Variants in TTC27 observed in about 807,000 individuals in gnomAD.
TTC27 encodes tetratricopeptide repeat protein 27.
Under a neutral mutation model 115.9 loss-of-function variants are expected in TTC27, and 79 were observed. The observed-to-expected ratio is 0.68, with a 90% CI of 0.57 to 0.82. TTC27 has a LOEUF of 0.82. Among genes scored for constraint, TTC27 ranks in the 40% least tolerant of loss-of-function variants. The pLI, the probability that TTC27 is intolerant of heterozygous loss-of-function variation, is 0.00. For missense variants in TTC27, 1,054 were observed against 993.1 expected (o/e 1.06, Z -0.82); for synonymous variants, 401 against 356.0 (o/e 1.13, Z -1.42).
In TTC27 at chr2:32,798,713, A is replaced by AAAAATAAT. The variant is rs1368512271; in HGVS notation, c.1998+11566_1998+11567insAATAATAA. ...GAGCGAGACTCCAGCTCAAAAAAAA[A>AAAAATAAT]AATAATAATAATAATAATAATAATA... On this transcript the variant is annotated intron_variant, in intron 16 of 19. Transcript: ENST00000317907. 1.7e-3 allele frequency among the ~76,000 whole-genome samples: 242 copies of AAAAATAAT among 142,338 alleles called. 2 individuals are homozygous for AAAAATAAT. Among genetic ancestry groups the AAAAATAAT allele is most frequent in the African/African-American group, 6.0e-3 (223 of 36,864 alleles). The allele number at this position is 142,338 out of a possible 152,430, so 93.4% of individuals were successfully genotyped here.
At chr2:32,639,602 T>G (rs954598470) in intron 3 of TTC27, among the ~76,000 whole-genome samples, 1 of 152,228 alleles carries the variant, frequency 6.6e-6, no homozygotes, top group Non-Finnish European at 1.5e-5. Flanking sequence ...CTATAAATAC[T>G]TTAATATAGG....
At chr2:32,802,024 A>G (rs1362957856) in intron 16 of TTC27, among the ~76,000 whole-genome samples, 3 of 152,146 alleles carry the variant, frequency 2.0e-5, no homozygotes, top group East Asian at 1.9e-4. Flanking sequence ...TCCCTGACAT[A>G]CCCTGAAAGA....
chr2:32,745,525 G>A (rs1455284143), intron 12 of TTC27, among the ~76,000 whole-genome samples: 1 of 152,128 alleles, frequency 6.6e-6, no homozygotes, highest in African/African-American at 2.4e-5. Flanking sequence ...GAAGATCAGG[G>A]AAGGGATGCT....
intron 14 of TTC27, among the ~76,000 whole-genome samples, chr2:32,779,586 C>A (rs1489954180): frequency 1.3e-5 from 2 of 149,936 alleles, no homozygotes; most frequent in Admixed American, 1.3e-4. Flanking sequence ...TTCTCCCATT[C>A]TGTTAAGTTT....
chr2:32,699,144 T>C (rs1320989167), intron 9 of TTC27, among the ~76,000 whole-genome samples: 1 of 152,202 alleles, frequency 6.6e-6, no homozygotes, highest in East Asian at 1.9e-4. Flanking sequence ...CCCAACAGTA[T>C]GTAAGGCACT....
chr2:32,762,939 C>G (rs1669498702), intron 13 of TTC27, among the ~76,000 whole-genome samples: 1 of 152,142 alleles, frequency 6.6e-6, no homozygotes, highest in Non-Finnish European at 1.5e-5. Flanking sequence ...CGCGCTCAGC[C>G]CAATAGCCTA....
chr2:32,699,692 C>A (rs989627236), intron 9 of TTC27, among the ~76,000 whole-genome samples: 5 of 152,198 alleles, frequency 3.3e-5, no homozygotes, highest in African/African-American at 1.2e-4. Context: ...TGCAATTGCT[C>A]CCTTTCAGAA....
chr2:32,715,555 G>A (rs1451527453), intron 10 of TTC27, among the ~76,000 whole-genome samples: 2 of 152,160 alleles, frequency 1.3e-5, no homozygotes, highest in Non-Finnish European at 2.9e-5. Context: ...GTAGTTGCAT[G>A]CATGCTTTGA....
chr2:32,651,318 G>A (rs1206838824), intron 5 of TTC27, among the ~76,000 whole-genome samples: 3 of 152,054 alleles, frequency 2.0e-5, no homozygotes, highest in African/African-American at 7.2e-5. Flanking sequence ...ATAATATAAG[G>A]GGCTCTTGTA....
chr2:32,660,266 G>A (rs989189774), intron 5 of TTC27, among the ~76,000 whole-genome samples: 4 of 152,130 alleles, frequency 2.6e-5, no homozygotes, highest in African/African-American at 9.7e-5. Context: ...CTAATGACCA[G>A]TGATGATGAG....
chr2:32,672,142 A>T, intron 7 of TTC27, 130 bp from the exon 8 acceptor site: 2 of 605,322 alleles, frequency 3.3e-6, no homozygotes, highest in Non-Finnish European at 5.8e-6. Context: ...GTTTCACAAG[A>T]AATAGCCTAT....
intron 13 of TTC27, among the ~76,000 whole-genome samples, chr2:32,764,714 A>G (rs1008016965): frequency 6.6e-6 from 1 of 152,254 alleles, no homozygotes; most frequent in Admixed American, 6.5e-5. Context: ...AATTGGAGTC[A>G]GTCTTCTCTA....
intron 14 of TTC27, among the ~76,000 whole-genome samples, chr2:32,781,980 G>T (rs1482079353): frequency 6.6e-6 from 1 of 152,122 alleles, no homozygotes; most frequent in Non-Finnish European, 1.5e-5. Context: ...CTTAATTTTT[G>T]AGTCATATGT....
Position 32,630,507 on chromosome 2 carries a change from A to C in TTC27, c.89-16A>C. Reference sequence around the variant, plus strand: ...TAATTTTTTTTGGATTACCGCACTAATTTTTTATATTACAGAGAGTGGATC... The same window carrying C: ...TAATTTTTTTTGGATTACCGCACTACTTTTTTATATTACAGAGAGTGGATC... On this transcript the variant is annotated splice_polypyrimidine_tract_variant and intron_variant, in intron 1 of 19. Transcript: ENST00000317907. 6.4e-7 allele frequency: 1 copy of C among 1,572,180 alleles called. No homozygotes were observed. Among genetic ancestry groups the C allele is most frequent in the East Asian group, 2.2e-5 (1 of 44,534 alleles).
At chr2:32,712,266 G>A (rs770097729) in intron 10 of TTC27, among the ~76,000 whole-genome samples, 15 of 152,200 alleles carry the variant, frequency 9.9e-5, no homozygotes, top group Non-Finnish European at 1.6e-4. Context: ...AGAAGAAGAA[G>A]AAACTCCAAG....
chr2:32,655,259 G>A (rs1462421173), intron 5 of TTC27, among the ~76,000 whole-genome samples: 1 of 151,884 alleles, frequency 6.6e-6, no homozygotes. Flanking sequence ...CAAAGTGCTG[G>A]TATTACAGGA....
In TTC27 at chr2:32,672,285, A is replaced by G. The variant is rs745527520; in HGVS notation, c.953A>G (p.Asn318Ser). 1.2e-5 allele frequency: 20 copies of G among 1,613,322 alleles called. No individual in the cohort carries two copies. Among genetic ancestry groups the G allele is most frequent in the African/African-American group, 4.0e-5 (3 of 74,912 alleles). The change falls in exon 8 of 20, where the codon AAT (asparagine) becomes AGT (serine). Residue 318 changes from asparagine (N) to serine (S), a missense_variant. Transcript: ENST00000317907. Reference protein sequence around the residue: ...QEHLTKNLELNDDTILNDIKL... With the variant: ...QEHLTKNLELSDDTILNDIKL... ...GTATTCTACTAGAATCTTGAGCTCA[A>G]TGATGACACCATTCTGAATGACATA...
At chr2:32,724,887 G>T (rs960989836) in intron 10 of TTC27, among the ~76,000 whole-genome samples, 7 of 152,188 alleles carry the variant, frequency 4.6e-5, no homozygotes, top group African/African-American at 1.7e-4. Flanking sequence ...GGGTATAATG[G>T]ACTTAGAGTT....
At chr2:32,792,229 A>G (rs539817298) in intron 16 of TTC27, among the ~76,000 whole-genome samples, 59 of 152,310 alleles carry the variant, frequency 3.9e-4, no homozygotes, top group African/African-American at 1.4e-3. Flanking sequence ...CAAGTTGCCA[A>G]TGAAATTGAA....
Sources: allele counts gnomAD v4.1 joint callset (sites outside exome capture counted in the v4.1 genomes callset), GRCh38; gene constraint gnomAD v4.1.1; transcripts MANE v1.5; gene names NCBI Gene and HGNC (gene_info 2026-07-23, HGNC 2026-07-21).